MGAT4C: variants seen among roughly 807,000 people sequenced by gnomAD.
MGAT4C encodes MGAT4 family member C, also known as alpha-1,3-mannosyl-glycoprotein 4-beta-N-acetylglucosaminyltransferase C.
Under a neutral mutation model 40.1 loss-of-function variants are expected in MGAT4C, and 19 were observed. That is an observed-to-expected ratio of 0.47 (90% CI 0.33 to 0.70). The LOEUF (loss-of-function observed/expected upper bound fraction) is 0.70, where lower values mean the gene tolerates loss of function less well. MGAT4C is among the 30% of genes least tolerant of loss of function. The probability of loss-of-function intolerance (pLI) is 0.02; values close to 1 mark genes in which losing one functional copy is unlikely to be tolerated. For missense variants in MGAT4C, 491 were observed against 563.2 expected, an observed-to-expected ratio of 0.87 and a Z score of 1.30; for synonymous variants, 181 against 187.1, an observed-to-expected ratio of 0.97 and a Z score of 0.27.
intron 1 of MGAT4C, among the ~76,000 whole-genome samples, chr12:86,224,338 T>C (rs1950996792): frequency 6.6e-6 from 1 of 151,958 alleles, no homozygotes; most frequent in Non-Finnish European, 1.5e-5. Flanking sequence ...AAAGATAGAC[T>C]CCATAAAATA....
chr12:86,781,955 C>T (rs1951848093), intron 1 of MGAT4C, among the ~76,000 whole-genome samples: 2 of 151,878 alleles, frequency 1.3e-5, no homozygotes, highest in African/African-American at 4.8e-5. Flanking sequence ...TTGAAAAAAA[C>T]TCCACACTTT....
At chr12:86,547,206 T>C (rs1959198688) in intron 2 of MGAT4C, among the ~76,000 whole-genome samples, 1 of 152,070 alleles carries the variant, frequency 6.6e-6, no homozygotes, top group Non-Finnish European at 1.5e-5. Flanking sequence ...TTTTTGCTTA[T>C]GCAAAGTTTT....
At position 85,994,033 on chromosome 12, in the gene MGAT4C, C is replaced by T. The variant is rs144643845; in HGVS notation, c.-6-4481G>A. On this transcript the variant is annotated intron_variant, in intron 2 of 4. Transcript: ENST00000611864. Reference sequence around the variant, plus strand: ...CAGCTGCAGTGGCTCCTAGGGAGGGCGAGGCTCCTGCCTGAGCAGTGGCAT... The same window carrying T: ...CAGCTGCAGTGGCTCCTAGGGAGGGTGAGGCTCCTGCCTGAGCAGTGGCAT... Among the ~76,000 whole-genome samples the T allele has an allele frequency of 2.3e-4, 35 of 152,220 alleles. No individual in the cohort carries two copies. In the East Asian group the frequency reaches 5.0e-3, roughly 22 times the overall value.
intron 2 of MGAT4C, among the ~76,000 whole-genome samples, chr12:86,546,083 G>T (rs1475743926): frequency 3.3e-5 from 5 of 151,788 alleles, no homozygotes; most frequent in Admixed American, 1.3e-4. Context: ...TTGAATTATG[G>T]TCATAGTTCT....
At chr12:86,778,309 T>C (rs978258530) in intron 1 of MGAT4C, among the ~76,000 whole-genome samples, 3 of 152,154 alleles carry the variant, frequency 2.0e-5, no homozygotes, top group Non-Finnish European at 2.9e-5. Flanking sequence ...GAGAATAAGC[T>C]GCGTAAATAA....
At chr12:86,642,981 T>TA (rs1460638219) in intron 2 of MGAT4C, among the ~76,000 whole-genome samples, 3 of 151,758 alleles carry the variant, frequency 2.0e-5, no homozygotes, top group Non-Finnish European at 4.4e-5. Context: ...AAATTAAACT[T>TA]AGAGTTACCA....
chr12:86,017,164 C>T (rs992232299), intron 2 of MGAT4C, among the ~76,000 whole-genome samples: 4 of 151,986 alleles, frequency 2.6e-5, no homozygotes, highest in African/African-American at 4.8e-5. Context: ...GAGTACTCAG[C>T]GGAGTGTTTA....
intron 3 of MGAT4C, among the ~76,000 whole-genome samples, chr12:86,416,789 T>C (rs933865857): frequency 2.0e-5 from 3 of 152,134 alleles, no homozygotes; most frequent in African/African-American, 7.2e-5. Flanking sequence ...AGAAGATATG[T>C]TGACATCTTA....
At chr12:86,006,818 T>C (rs1175763823) in intron 2 of MGAT4C, among the ~76,000 whole-genome samples, 3 of 152,172 alleles carry the variant, frequency 2.0e-5, no homozygotes, top group Non-Finnish European at 4.4e-5. Flanking sequence ...TAGTGATTTT[T>C]CCATCCACTG....
chr12:86,777,088 A>G (rs1422402193), intron 1 of MGAT4C, among the ~76,000 whole-genome samples: 1 of 152,188 alleles, frequency 6.6e-6, no homozygotes, highest in African/African-American at 2.4e-5. Context: ...TTCAATGGCA[A>G]ATTGCCAAAT....
At chr12:86,019,352 A>T (rs1233045766) in intron 2 of MGAT4C, among the ~76,000 whole-genome samples, 1 of 152,166 alleles carries the variant, frequency 6.6e-6, no homozygotes, top group Non-Finnish European at 1.5e-5. Context: ...AGTATAATAG[A>T]TAGCAAGTAT....
At chr12:86,393,217 A>G (rs1200438891) in intron 3 of MGAT4C, among the ~76,000 whole-genome samples, 2 of 152,212 alleles carry the variant, frequency 1.3e-5, no homozygotes, top group Non-Finnish European at 2.9e-5. Flanking sequence ...TACTCTTCAG[A>G]GATCTCTTTG....
intron 1 of MGAT4C, among the ~76,000 whole-genome samples, chr12:86,098,530 T>G (rs1305312190): frequency 6.6e-6 from 1 of 151,656 alleles, no homozygotes; most frequent in Non-Finnish European, 1.5e-5. Context: ...TTCCACAGTG[T>G]GTGAATGGCT....
intron 2 of MGAT4C, among the ~76,000 whole-genome samples, chr12:86,677,549 CTT>C (rs1949889628): frequency 6.6e-6 from 1 of 152,014 alleles, no homozygotes; most frequent in Admixed American, 6.6e-5. Context: ...GAAACAGAAA[CTT>C]TTAAAACATT....
intron 1 of MGAT4C, among the ~76,000 whole-genome samples, chr12:86,796,705 A>C (rs1355865874): frequency 2.6e-5 from 4 of 151,958 alleles, no homozygotes; most frequent in Non-Finnish European, 5.9e-5. Flanking sequence ...AATGGTAACA[A>C]TGTGAGGAAA....
intron 1 of MGAT4C, among the ~76,000 whole-genome samples, chr12:86,780,854 C>T (rs1030156631): frequency 3.9e-5 from 6 of 152,160 alleles, no homozygotes; most frequent in Admixed American, 1.3e-4. Context: ...ATTCCACACT[C>T]TACATACATA....
intron 1 of MGAT4C, among the ~76,000 whole-genome samples, chr12:86,227,493 GT>G (rs1271979058): frequency 5.9e-5 from 9 of 151,834 alleles, no homozygotes; most frequent in Non-Finnish European, 1.3e-4. Flanking sequence ...TTACCTGGGT[GT>G]TTGGATGTCA....
At chr12:86,259,260 G>A (rs961511136), upstream of MGAT4C, among the ~76,000 whole-genome samples, 16 of 151,984 alleles carry the variant, frequency 1.1e-4, no homozygotes, top group Non-Finnish European at 2.4e-4. Context: ...TTTATTTTCA[G>A]AATGTCCTTT....
chr12:86,244,922 T>TGTCAGTGCAGTATTAAGTGGGTG (rs1218139585), intron 1 of MGAT4C, among the ~76,000 whole-genome samples: 1 of 152,226 alleles, frequency 6.6e-6, no homozygotes, highest in African/African-American at 2.4e-5. Context: ...GCATGTACTG[T>TGTCAGTGCAGTATTAAGTGGGTG]GTCAGTGCAG....
Sources: gnomAD v4.1 joint callset for allele counts (sites outside exome capture counted in the v4.1 genomes callset) on GRCh38, gnomAD v4.1.1 for gene constraint, MANE v1.5 for transcripts, NCBI Gene and HGNC (gene_info 2026-07-23, HGNC 2026-07-21) for gene names.